XYLT1: variants seen among roughly 807,000 people sequenced by gnomAD.
XYLT1 encodes the protein xylosyltransferase 1.
In XYLT1, 36 loss-of-function variants were observed where a neutral mutation model predicts 91.3. The ratio of observed to expected loss-of-function variants is 0.39; its 90% CI spans 0.30 to 0.52. The LOEUF (loss-of-function observed/expected upper bound fraction) is 0.52. Among genes scored for constraint, XYLT1 ranks in the 20% least tolerant of loss-of-function variants. XYLT1 has a pLI of 0.68. For missense variants in XYLT1, 1,242 were observed against 1,284.5 expected (o/e 0.97, Z 0.51); for synonymous variants, 588 against 532.0 (o/e 1.11, Z -1.45).
intron 1 of XYLT1, among the ~76,000 whole-genome samples, chr16:17,466,820 C>T (rs1440121629): frequency 6.6e-6 from 1 of 151,756 alleles, no homozygotes; most frequent in Non-Finnish European, 1.5e-5. Flanking sequence ...AAATATTATT[C>T]AATGATGCAT....
intron 2 of XYLT1, among the ~76,000 whole-genome samples, chr16:17,296,799 A>G (rs2034318600): frequency 6.6e-6 from 1 of 152,240 alleles, no homozygotes; most frequent in African/African-American, 2.4e-5. Flanking sequence ...GAACTCTGAT[A>G]TTAGCGAGGG....
At chr16:17,211,250 T>C (rs2032751238) in intron 3 of XYLT1, among the ~76,000 whole-genome samples, 1 of 152,164 alleles carries the variant, frequency 6.6e-6, no homozygotes. Flanking sequence ...TAGGATGTGC[T>C]GAGTTTGTTA....
intron 3 of XYLT1, 78 bp from the exon 4 acceptor site, chr16:17,200,732 G>T: frequency 6.6e-7 from 1 of 1,524,530 alleles, no homozygotes; most frequent in Non-Finnish European, 9.0e-7. Flanking sequence ...TTTCTCTGGT[G>T]CTTCTTTTGG....
At chr16:17,129,883 T>C (rs1456663076) in intron 9 of XYLT1, among the ~76,000 whole-genome samples, 2 of 152,238 alleles carry the variant, frequency 1.3e-5, no homozygotes, top group Non-Finnish European at 2.9e-5. Context: ...CTTTCTTCCA[T>C]GTGACTTTGC....
intron 2 of XYLT1, among the ~76,000 whole-genome samples, chr16:17,327,385 T>TA (rs1332187634): frequency 8.7e-5 from 12 of 137,326 alleles, no homozygotes; most frequent in Non-Finnish European, 1.9e-4. Context: ...TTTTTTGAGA[T>TA]AGAGTCTCGC....
chr16:17,139,145 G>C (rs1433026360), intron 7 of XYLT1, among the ~76,000 whole-genome samples: 1 of 152,112 alleles, frequency 6.6e-6, no homozygotes, highest in Non-Finnish European at 1.5e-5. Context: ...AGAAAAACTA[G>C]AGGAGAAACA....
At chr16:17,457,219 A>G (rs1364564266) in intron 1 of XYLT1, among the ~76,000 whole-genome samples, 1 of 152,218 alleles carries the variant, frequency 6.6e-6, no homozygotes, top group African/African-American at 2.4e-5. Context: ...TTAAGAAAGG[A>G]GGAAGAGGAC....
intron 4 of XYLT1, among the ~76,000 whole-genome samples, chr16:17,199,132 G>A (rs528378559): frequency 6.1e-4 from 93 of 152,228 alleles, no homozygotes; most frequent in African/African-American, 2.2e-3. Context: ...TGTATATTTC[G>A]GAGGCAGAAT....
At chr16:17,469,736 C>A (rs2036953995) in intron 1 of XYLT1, among the ~76,000 whole-genome samples, 1 of 152,144 alleles carries the variant, frequency 6.6e-6, no homozygotes, top group South Asian at 2.1e-4. Flanking sequence ...ACAGAGACAA[C>A]CAGCTAGGAG....
intron 5 of XYLT1, among the ~76,000 whole-genome samples, chr16:17,179,462 C>T (rs745545716): frequency 1.3e-5 from 2 of 152,222 alleles, no homozygotes; most frequent in Admixed American, 6.5e-5. Flanking sequence ...AACTTTCTGG[C>T]ATATCCGTCT....
intron 3 of XYLT1, among the ~76,000 whole-genome samples, chr16:17,228,160 C>A (rs2033100701): frequency 6.6e-6 from 1 of 152,180 alleles, no homozygotes; most frequent in Admixed American, 6.5e-5. Flanking sequence ...TACAGTGACC[C>A]TGCTTCTCCA....
At chr16:17,461,797 T>C (rs2036827479) in intron 1 of XYLT1, among the ~76,000 whole-genome samples, 1 of 152,220 alleles carries the variant, frequency 6.6e-6, no homozygotes, top group African/African-American at 2.4e-5. Flanking sequence ...CCAACTTCAA[T>C]TTCTAGTTTG....
intron 1 of XYLT1, among the ~76,000 whole-genome samples, chr16:17,365,833 T>C (rs1396455149): frequency 6.6e-6 from 1 of 152,210 alleles, no homozygotes; most frequent in Non-Finnish European, 1.5e-5. Context: ...GCTTGGTATG[T>C]GTATCCTTGA....
chr16:17,206,179 A>G (rs1288648475), intron 3 of XYLT1, among the ~76,000 whole-genome samples: 1 of 152,164 alleles, frequency 6.6e-6, no homozygotes, highest in East Asian at 1.9e-4. Flanking sequence ...AGGGTGATTC[A>G]TGATCACAGA....
chr16:17,434,733 T>C (rs2036433140), intron 1 of XYLT1, among the ~76,000 whole-genome samples: 1 of 152,098 alleles, frequency 6.6e-6, no homozygotes, highest in Non-Finnish European at 1.5e-5. Flanking sequence ...CCAGGTGTGG[T>C]AGCACACATC....
In XYLT1 at chr16:17,147,482, T is replaced by C. The variant is rs549576029; in HGVS notation, c.1371-6113A>G. ...TAATGTGATGTCCCGGACCATAATA[T>C]TCAAATACAATATTTATGCAGTCAT... is the stretch of plus-strand genomic sequence containing the variant. On this transcript the variant is annotated intron_variant, in intron 6 of 11. Transcript: ENST00000261381. Among the ~76,000 whole-genome samples, 5 of 152,364 alleles carry C rather than the reference T, an allele frequency of 3.3e-5. No homozygotes were observed. The South Asian group carries it at 6.2e-4, about 19-fold the overall frequency.
intron 1 of XYLT1, among the ~76,000 whole-genome samples, chr16:17,375,018 T>C (rs2035580282): frequency 6.6e-6 from 1 of 152,242 alleles, no homozygotes; most frequent in East Asian, 1.9e-4. Flanking sequence ...CCAGACCAAC[T>C]AGGACACACT....
chr16:17,381,420 C>A (rs909495126), intron 1 of XYLT1, among the ~76,000 whole-genome samples: 3 of 125,418 alleles, frequency 2.4e-5, no homozygotes, highest in Non-Finnish European at 5.4e-5. Flanking sequence ...AAAGGCAACA[C>A]CTTTTTTTTT....
chr16:17,289,716 T>C (rs972594824), intron 2 of XYLT1, among the ~76,000 whole-genome samples: 8 of 152,206 alleles, frequency 5.3e-5, no homozygotes, highest in African/African-American at 1.9e-4. Context: ...GTTCTGTACC[T>C]AGGAAAATTT....
Sources: gnomAD v4.1 joint callset for allele counts (sites outside exome capture counted in the v4.1 genomes callset) on GRCh38, gnomAD v4.1.1 for gene constraint, MANE v1.5 for transcripts, NCBI Gene and HGNC (gene_info 2026-07-23, HGNC 2026-07-21) for gene names.